Variants in CHCHD6 observed in about 807,000 individuals in gnomAD.
The protein encoded by CHCHD6 is MICOS complex subunit MIC25.
A neutral mutation model predicts 32.3 loss-of-function variants in CHCHD6; 28 were observed. The ratio of observed to expected loss-of-function variants is 0.87; its 90% CI spans 0.64 to 1.19. The LOEUF (loss-of-function observed/expected upper bound fraction) is 1.19. Among genes scored for constraint, CHCHD6 ranks in the 50% most tolerant of loss-of-function variants. The pLI is 0.00. For missense variants in CHCHD6, 333 were observed against 307.0 expected (o/e 1.08, Z -0.63); for synonymous variants, 122 against 117.5 (o/e 1.04, Z -0.25).
intron 4 of CHCHD6, among the ~76,000 whole-genome samples, chr3:126,800,618 C>G: frequency 6.6e-6 from 1 of 152,178 alleles, no homozygotes; most frequent in East Asian, 1.9e-4. Flanking sequence ...AGTTTTATCT[C>G]CTTCCCACCA....
At chr3:126,846,063 C>T (rs1487958061) in intron 4 of CHCHD6, among the ~76,000 whole-genome samples, 1 of 152,180 alleles carries the variant, frequency 6.6e-6, no homozygotes, top group African/African-American at 2.4e-5. Context: ...GCCCTGAAAA[C>T]CTGTAGTCCA....
At chr3:126,756,550 GTC>G (rs1174493677) in intron 4 of CHCHD6, among the ~76,000 whole-genome samples, 1 of 152,138 alleles carries the variant, frequency 6.6e-6, no homozygotes, top group African/African-American at 2.4e-5. Flanking sequence ...ATAAATCCGG[GTC>G]TCCCTACTCT....
At position 126,801,394 on chromosome 3, in the gene CHCHD6, G is replaced by A. The variant is rs924246129; in HGVS notation, c.412-51253G>A. 9.8e-5 allele frequency among the ~76,000 whole-genome samples: 15 copies of A among 152,326 alleles called. No individual in the cohort carries two copies. The South Asian group carries it at 1.2e-3, about 13-fold the overall frequency. On this transcript the variant is annotated intron_variant, in intron 4 of 7. Transcript: ENST00000290913. ...TTTTCTGATGGGCTTAGGAAATGGCGCACCAGGAGATTATATCCCGCACCT... is the reference window on the plus strand; with the variant it reads ...TTTTCTGATGGGCTTAGGAAATGGCACACCAGGAGATTATATCCCGCACCT...
intron 4 of CHCHD6, among the ~76,000 whole-genome samples, chr3:126,850,874 G>C (rs1941449910): frequency 6.6e-6 from 1 of 152,162 alleles, no homozygotes; most frequent in Non-Finnish European, 1.5e-5. Context: ...AGCACACTTT[G>C]AAAAGCCCTG....
At chr3:126,814,674 C>A (rs989048732) in intron 4 of CHCHD6, among the ~76,000 whole-genome samples, 1 of 152,230 alleles carries the variant, frequency 6.6e-6, no homozygotes, top group East Asian at 1.9e-4. Flanking sequence ...TCGGCACCCC[C>A]TCCCACATGC....
At chr3:126,812,371 A>G (rs114614880) in intron 4 of CHCHD6, among the ~76,000 whole-genome samples, 4,131 of 148,598 alleles carry the variant, frequency 0.028, 90 homozygotes, top group Middle Eastern at 0.059. Flanking sequence ...TTTGTCAAGA[A>G]CATCTTTTTC....
intron 4 of CHCHD6, among the ~76,000 whole-genome samples, chr3:126,749,718 G>T (rs548431668): frequency 1.3e-5 from 2 of 152,320 alleles, no homozygotes; most frequent in African/African-American, 4.8e-5. Context: ...AAGGGGACAC[G>T]GGCCATGTGA....
Position 126,807,516 on chromosome 3 carries a change from T to G in CHCHD6, c.412-45131T>G, listed in dbSNP as rs145111132. Among the ~76,000 whole-genome samples the G allele has an allele frequency of 6.1e-3, 932 of 152,008 alleles. 9 individuals are homozygous for G. Among genetic ancestry groups the G allele is most frequent in the African/African-American group, 0.021 (891 of 41,458 alleles). On this transcript the variant is annotated intron_variant, in intron 4 of 7. Coordinates refer to ENST00000290913, the MANE Select transcript of CHCHD6 (RefSeq NM_032343.3). ...GCAATAGAAAATATGAGAGAAACAT[T>G]AGGAAAATTGGAGTCTTAGCTCAGG...
intron 6 of CHCHD6, among the ~76,000 whole-genome samples, chr3:126,941,101 G>A (rs1479085709): frequency 1.3e-5 from 2 of 152,166 alleles, no homozygotes; most frequent in African/African-American, 2.4e-5. Flanking sequence ...CCCCAGTGAA[G>A]GTCTATAATC....
intron 4 of CHCHD6, chr3:126,766,652 C>G: frequency 1.9e-6 from 2 of 1,030,264 alleles, no homozygotes; most frequent in Admixed American, 1.7e-5. Flanking sequence ...AGCTATGGTG[C>G]TCTCTCGGTG....
intron 4 of CHCHD6, among the ~76,000 whole-genome samples, chr3:126,758,312 A>G (rs116232936): frequency 0.031 from 4,756 of 152,304 alleles, 106 homozygotes; most frequent in Non-Finnish European, 0.041. Context: ...TCCATTAACC[A>G]TATCCACCTC....
At chr3:126,930,561 A>G (rs1248537234) in intron 6 of CHCHD6, among the ~76,000 whole-genome samples, 1 of 152,234 alleles carries the variant, frequency 6.6e-6, no homozygotes, top group Non-Finnish European at 1.5e-5. Context: ...GGAGGTGGTC[A>G]GGTAGAAATA....
intron 6 of CHCHD6, among the ~76,000 whole-genome samples, chr3:126,935,678 A>T (rs1001619381): frequency 1.3e-5 from 2 of 152,276 alleles, no homozygotes; most frequent in African/African-American, 4.8e-5. Context: ...AATAGTGTTC[A>T]TAATACAAAG....
At chr3:126,821,740 T>C (rs1940164895) in intron 4 of CHCHD6, among the ~76,000 whole-genome samples, 2 of 152,244 alleles carry the variant, frequency 1.3e-5, no homozygotes, top group South Asian at 4.1e-4. Context: ...ATGCTTGTTC[T>C]TGTCTGTCTG....
rs1043301790 is a variant in CHCHD6 at position 126,853,273 on chromosome 3, C to A, written c.495+543C>A. Among the ~76,000 whole-genome samples, 686 of 136,442 alleles carry A rather than the reference C, an allele frequency of 5.0e-3. 2 individuals carry two copies. Among genetic ancestry groups the A allele is most frequent in the African/African-American group, 0.014 (543 of 38,118 alleles). The allele number at this position is 136,442 out of a possible 152,430, so 89.5% of individuals were successfully genotyped here. On this transcript the variant is annotated intron_variant, in intron 5 of 7. Transcript: ENST00000290913. ...TGCCTTTAAAAAAAAAAAAAAAAAACCCCTACCACGACTCTTGAAAATTCA... is the reference window on the plus strand; with the variant it reads ...TGCCTTTAAAAAAAAAAAAAAAAAAACCCTACCACGACTCTTGAAAATTCA...
chr3:126,923,186 A>T (rs1462963487), intron 6 of CHCHD6, among the ~76,000 whole-genome samples: 1 of 152,194 alleles, frequency 6.6e-6, no homozygotes, highest in Non-Finnish European at 1.5e-5. Context: ...ATTTCTGAAG[A>T]TAGAGTTTTC....
chr3:126,919,525 G>A (rs772618328), intron 6 of CHCHD6, among the ~76,000 whole-genome samples: 10 of 151,494 alleles, frequency 6.6e-5, no homozygotes, highest in South Asian at 2.1e-4. Context: ...ATGTTGTCCA[G>A]GCTGGTCTTG....
At chr3:126,807,679 T>C (rs568706043) in intron 4 of CHCHD6, among the ~76,000 whole-genome samples, 3 of 152,218 alleles carry the variant, frequency 2.0e-5, no homozygotes, top group Non-Finnish European at 4.4e-5. Context: ...CGTAGCCCAT[T>C]AGCTTTCGAA....
intron 6 of CHCHD6, among the ~76,000 whole-genome samples, chr3:126,931,120 G>A (rs1256504870): frequency 3.9e-5 from 6 of 152,204 alleles, no homozygotes; most frequent in African/African-American, 9.7e-5. Context: ...GGCGCCAAGG[G>A]AAACATGAGG....
Sources: gnomAD v4.1 joint callset for allele counts (sites outside exome capture counted in the v4.1 genomes callset) on GRCh38, gnomAD v4.1.1 for gene constraint, MANE v1.5 for transcripts, NCBI Gene and HGNC (gene_info 2026-07-23, HGNC 2026-07-21) for gene names.